PPARG: variants seen among roughly 807,000 people sequenced by gnomAD.
PPARG encodes the protein peroxisome proliferator activated receptor gamma, also known as peroxisome proliferator-activated receptor gamma.
Under a neutral mutation model 39.2 loss-of-function variants are expected in PPARG, and 17 were observed. The ratio of observed to expected loss-of-function variants is 0.43; its 90% confidence interval spans 0.30 to 0.65. The LOEUF is 0.65. PPARG is among the 30% of genes least tolerant of loss of function. The pLI is 0.13. For missense variants in PPARG, 406 were observed against 585.9 expected (o/e 0.69, Z 3.17); for synonymous variants, 223 against 215.7 (o/e 1.03, Z -0.30).
chr3:12,292,764 C>T (rs2046678043), intron 1 of PPARG, among the ~76,000 whole-genome samples: 1 of 152,128 alleles, frequency 6.6e-6, no homozygotes, highest in South Asian at 2.1e-4. Flanking sequence ...TGGGAAGTTA[C>T]TGGTAACAGC....
intron 1 of PPARG, among the ~76,000 whole-genome samples, chr3:12,302,125 G>C (rs1007105762): frequency 1.3e-5 from 2 of 152,214 alleles, no homozygotes; most frequent in Non-Finnish European, 2.9e-5. Context: ...AGAAGGCTAA[G>C]ATCAGTGTGG....
rs193239395 is a variant in PPARG, at chr3:12,351,708, G to A, written c.-8-27996G>A. The A allele has an allele frequency of 2.0e-4, 307 of 1,525,372 alleles. 1 individual carries two copies. The Middle Eastern group carries it at 4.9e-3, about 24-fold the overall frequency. 94.5% of individuals were successfully genotyped at this position (1,525,372 alleles called of 1,614,324 possible). The stretch of plus-strand genomic sequence containing the variant: ...CCTTCCAGATACGGCTATTGGGGAC[G>A]TGGGGGCATTTATGTAAGGGTAAAA... On this transcript the variant is annotated intron_variant, in intron 2 of 7. Transcript: ENST00000651735.
intron 4 of PPARG, among the ~76,000 whole-genome samples, chr3:12,382,345 C>T (rs902385787): frequency 3.3e-5 from 5 of 152,084 alleles, no homozygotes; most frequent in African/African-American, 1.2e-4. Context: ...ATATGTGAAT[C>T]CACTCATATT....
intron 2 of PPARG, among the ~76,000 whole-genome samples, chr3:12,328,963 TATC>T (rs1346889912): frequency 6.6e-6 from 1 of 152,164 alleles, no homozygotes; most frequent in Admixed American, 6.5e-5. Flanking sequence ...TTTTGGCCAA[TATC>T]ATAAGATGGA....
rs146232762 is a variant in PPARG at position 12,427,829 on chromosome 3, G to C, written c.1181-6069G>C. The stretch of plus-strand genomic sequence containing the variant: ...CCTAAGTAGCCCTGCCTCCCCTCCA[G>C]TTTTCAGCCCACACCTGAACTAAGG... On this transcript the variant is annotated intron_variant, in intron 7 of 7. Transcript: ENST00000651735. Among the ~76,000 whole-genome samples the C allele has an allele frequency of 3.3e-3, 508 of 152,306 alleles. 2 individuals are homozygous for C. The highest frequency in any genetic ancestry group is 0.012 in the African/African-American group (478 of 41,564).
intron 7 of PPARG, among the ~76,000 whole-genome samples, chr3:12,423,917 G>A (rs980361924): frequency 2.0e-5 from 3 of 152,214 alleles, no homozygotes; most frequent in African/African-American, 4.8e-5. Context: ...TCTGGGCTAC[G>A]ATTGTGTCTG....
chr3:12,427,777 G>C lies in PPARG; in HGVS notation c.1181-6121G>C, dbSNP rs537068166. On this transcript the variant is annotated intron_variant, in intron 7 of 7. Transcript: ENST00000651735. ...GGAAACTTGAGAGGAAGCGCAAAAG[G>C]AACTTAAATTGCAAAGTACTGGGTT... is the stretch of plus-strand genomic sequence containing the variant. 2.0e-5 allele frequency among the ~76,000 whole-genome samples: 3 copies of C among 152,234 alleles called. No individual in the cohort carries two copies. The South Asian group carries it at 6.2e-4, about 32-fold the overall frequency.
At chr3:12,432,917 C>T (rs954653307) in intron 7 of PPARG, among the ~76,000 whole-genome samples, 2 of 152,078 alleles carry the variant, frequency 1.3e-5, no homozygotes, top group Non-Finnish European at 2.9e-5. Context: ...ACAAGATCTA[C>T]ATAAAGAAAA....
chr3:12,296,432 C>G (rs1038936155), intron 1 of PPARG, among the ~76,000 whole-genome samples: 1 of 152,026 alleles, frequency 6.6e-6, no homozygotes, highest in African/African-American at 2.4e-5. Context: ...CTGCTTTATA[C>G]GCTGTTTGGG....
At chr3:12,418,942 T>G (rs1268793983) in intron 7 of PPARG, among the ~76,000 whole-genome samples, 1 of 152,112 alleles carries the variant, frequency 6.6e-6, no homozygotes. Context: ...TTGTTGTTTG[T>G]TTTTTGTTTT....
At chr3:12,328,162 C>T (rs879139961) in intron 2 of PPARG, 48 of 1,295,130 alleles carry the variant, frequency 3.7e-5, no homozygotes, top group Non-Finnish European at 5.3e-5. Flanking sequence ...AGAGAAGCAG[C>T]AAATAGCGAA....
chr3:12,370,681 T>C (rs969566867), intron 2 of PPARG, among the ~76,000 whole-genome samples: 2 of 152,252 alleles, frequency 1.3e-5, no homozygotes, highest in African/African-American at 4.8e-5. Context: ...CATTAGCCTG[T>C]TAGTTTAAGA....
chr3:12,327,652 T>C (rs976172958), intron 2 of PPARG, among the ~76,000 whole-genome samples: 1 of 152,186 alleles, frequency 6.6e-6, no homozygotes, highest in African/African-American at 2.4e-5. Flanking sequence ...TCTGAAGAGA[T>C]GGAGAACCCC....
chr3:12,379,811 C>G lies in PPARG; in HGVS notation c.100C>G (p.Pro34Ala). 1 of 1,613,958 alleles carries G rather than the reference C, an allele frequency of 6.2e-7. No homozygotes were observed. Among genetic ancestry groups the G allele is most frequent in the African/African-American group, 1.3e-5 (1 of 75,046 alleles). Residue 34 changes from proline to alanine, a missense_variant, in exon 3 of 8, where the codon CCC becomes GCC. Around this residue, in one of 2 missense-constraint regions of PPARG, gnomAD observed 131 missense variants for 127.9 expected, o/e 1.02. Transcript: ENST00000651735. ...EDHSHSFDIK[P>A]FTTVDFSSIS... ...CCACTCCCACTCCTTTGATATCAAG[C>G]CCTTCACTACTGTTGACTTCTCCAG...
At chr3:12,368,344 G>T (rs2049093092) in intron 2 of PPARG, among the ~76,000 whole-genome samples, 1 of 151,874 alleles carries the variant, frequency 6.6e-6, no homozygotes, top group African/African-American at 2.4e-5. Flanking sequence ...ACCACGCCCG[G>T]CTAATTTTTG....
chr3:12,396,492 C>G (rs2050264183), intron 5 of PPARG, among the ~76,000 whole-genome samples: 1 of 152,100 alleles, frequency 6.6e-6, no homozygotes, highest in Admixed American at 6.5e-5. Context: ...CATGGTGGCT[C>G]ATGCCTATAA....
At chr3:12,288,049 G>A (rs944299633), upstream of PPARG, 2 of 152,296 alleles carry the variant, frequency 1.3e-5, no homozygotes, top group African/African-American at 2.4e-5. Flanking sequence ...GCGGCGCTCG[G>A]GAACCGGCTG....
chr3:12,362,773 G>T (rs2048891166), intron 2 of PPARG, among the ~76,000 whole-genome samples: 1 of 151,796 alleles, frequency 6.6e-6, no homozygotes, highest in South Asian at 2.1e-4. Flanking sequence ...TCACCATCAG[G>T]TATGATGGCT....
At chr3:12,305,741 C>G (rs1202532400) in intron 1 of PPARG, 2 of 152,198 alleles carry the variant, frequency 1.3e-5, no homozygotes, top group East Asian at 3.8e-4. Flanking sequence ...GCCATCATAA[C>G]TTTTTAGACT....
Sources: gnomAD v4.1 joint callset for allele counts (sites outside exome capture counted in the v4.1 genomes callset) on GRCh38, gnomAD v4.1.1 for gene constraint, gnomAD v4.1.1 regional missense constraint, MANE v1.5 for transcripts, NCBI Gene and HGNC (gene_info 2026-07-23, HGNC 2026-07-21) for gene names.